The following RGS7 variants were observed in gnomAD, a reference collection of about 807,000 sequenced individuals.
The protein encoded by RGS7 is regulator of G protein signaling 7.
Under a neutral mutation model 81.1 loss-of-function variants are expected in RGS7, and 27 were observed. The ratio of observed to expected loss-of-function variants is 0.33; its 90% CI spans 0.25 to 0.46. The LOEUF (loss-of-function observed/expected upper bound fraction) is 0.46. Among genes scored for constraint, RGS7 ranks in the 20% least tolerant of loss-of-function variants. RGS7 has a pLI of 1.00. For missense variants in RGS7, 396 were observed against 607.4 expected, an observed-to-expected ratio of 0.65 and a Z score of 3.66; for synonymous variants, 208 against 207.7, an observed-to-expected ratio of 1.00 and a Z score of -0.01.
At chr1:240,890,372 C>T (rs540033957) in intron 6 of RGS7, among the ~76,000 whole-genome samples, 1 of 152,098 alleles carries the variant, frequency 6.6e-6, no homozygotes, top group African/African-American at 2.4e-5. Context: ...CAAATGGTCT[C>T]GATCTCTTGA....
chr1:240,966,166 A>AT (rs1260071301), intron 4 of RGS7, among the ~76,000 whole-genome samples: 1 of 152,034 alleles, frequency 6.6e-6, no homozygotes, highest in Non-Finnish European at 1.5e-5. Flanking sequence ...CCTAAACTAT[A>AT]TAAAAAAAAA....
chr1:240,946,684 A>C (rs1333499149), intron 4 of RGS7, among the ~76,000 whole-genome samples: 1 of 152,350 alleles, frequency 6.6e-6, no homozygotes, highest in Non-Finnish European at 1.5e-5. Context: ...TAAAGTACAT[A>C]GTGAGACAGC....
rs370175993 is a variant in RGS7, at chr1:241,190,034, C to T, written c.79-91272G>A. Among the ~76,000 whole-genome samples the T allele has an allele frequency of 3.6e-4, 54 of 151,964 alleles. 1 individual carries two copies. In the East Asian group the frequency reaches 6.0e-3, roughly 17 times the overall value. ...AGGAGAATGGCGTGAACCTGGGAGG[C>T]GGAGCTTGCAGTGAGCCGAGATGGC... On this transcript the variant is annotated intron_variant, in intron 2 of 18. Coordinates refer to ENST00000440928, the MANE Select transcript of RGS7 (RefSeq NM_001364886.1).
At chr1:240,889,474 C>T (rs934051970) in intron 6 of RGS7, among the ~76,000 whole-genome samples, 3 of 152,060 alleles carry the variant, frequency 2.0e-5, no homozygotes, top group African/African-American at 7.2e-5. Context: ...CGGGAGCCTA[C>T]GGAGCCCTGG....
intron 9 of RGS7, among the ~76,000 whole-genome samples, chr1:240,866,565 G>A (rs1443423387): frequency 1.3e-5 from 2 of 152,088 alleles, no homozygotes; most frequent in Admixed American, 6.5e-5. Context: ...CTTCTGGGTG[G>A]TTTCTGCCTC....
chr1:240,905,215 A>G (rs1481392797), intron 6 of RGS7, among the ~76,000 whole-genome samples: 2 of 152,184 alleles, frequency 1.3e-5, no homozygotes, highest in East Asian at 3.9e-4. Flanking sequence ...TCAGAAAAAA[A>G]AATCTTATGT....
chr1:241,280,876 T>C (rs1398169881), intron 2 of RGS7, among the ~76,000 whole-genome samples: 1 of 152,218 alleles, frequency 6.6e-6, no homozygotes, highest in Admixed American at 6.5e-5. Flanking sequence ...AAAATGATAG[T>C]TGCAAGTTTA....
At chr1:241,200,954 A>G (rs1272356042) in intron 2 of RGS7, among the ~76,000 whole-genome samples, 1 of 152,186 alleles carries the variant, frequency 6.6e-6, no homozygotes, top group Non-Finnish European at 1.5e-5. Context: ...CAAGATTTTC[A>G]ACTACCTGCT....
intron 2 of RGS7, among the ~76,000 whole-genome samples, chr1:241,175,356 T>G (rs1027371810): frequency 5.3e-5 from 8 of 152,160 alleles, no homozygotes; most frequent in Admixed American, 5.2e-4. Flanking sequence ...GCTGCTACAG[T>G]GTAGGTACTT....
At chr1:240,927,202 G>T (rs1478254019) in intron 6 of RGS7, among the ~76,000 whole-genome samples, 2 of 152,104 alleles carry the variant, frequency 1.3e-5, no homozygotes, top group Non-Finnish European at 2.9e-5. Flanking sequence ...AAGTAGCTGG[G>T]ACTACAGACG....
chr1:241,061,420 C>A (rs2061732111), intron 3 of RGS7, among the ~76,000 whole-genome samples: 1 of 152,080 alleles, frequency 6.6e-6, no homozygotes, highest in African/African-American at 2.4e-5. Flanking sequence ...TATAAAAAAC[C>A]AAAGCAATCA....
At chr1:241,081,239 C>A (rs1042382244) in intron 3 of RGS7, among the ~76,000 whole-genome samples, 1 of 152,180 alleles carries the variant, frequency 6.6e-6, no homozygotes, top group Non-Finnish European at 1.5e-5. Flanking sequence ...TCTCAATGTT[C>A]TCATCTTTTT....
intron 3 of RGS7, among the ~76,000 whole-genome samples, chr1:241,002,148 A>G (rs186141060): frequency 2.6e-5 from 4 of 152,186 alleles, no homozygotes; most frequent in African/African-American, 7.2e-5. Flanking sequence ...TCTGAAAAGC[A>G]TAGTCTTAAA....
intron 3 of RGS7, among the ~76,000 whole-genome samples, chr1:241,018,351 C>T (rs2059374001): frequency 1.3e-5 from 2 of 151,822 alleles, no homozygotes; most frequent in African/African-American, 4.8e-5. Context: ...TTGTTGAAAG[C>T]CAGGTATATC....
At chr1:240,897,847 A>G (rs951869433) in intron 6 of RGS7, among the ~76,000 whole-genome samples, 4 of 152,186 alleles carry the variant, frequency 2.6e-5, no homozygotes, top group Admixed American at 1.3e-4. Flanking sequence ...GAATAGTTTC[A>G]CAAGGAATGG....
chr1:240,921,299 G>A (rs1673494981), intron 6 of RGS7, among the ~76,000 whole-genome samples: 1 of 151,106 alleles, frequency 6.6e-6, no homozygotes, highest in African/African-American at 2.4e-5. Flanking sequence ...CTATTATCAT[G>A]TGTAATCAAT....
At chr1:241,052,271 A>C (rs1208769870) in intron 3 of RGS7, among the ~76,000 whole-genome samples, 2 of 152,174 alleles carry the variant, frequency 1.3e-5, no homozygotes, top group Non-Finnish European at 2.9e-5. Flanking sequence ...GGCATTACAG[A>C]AGCCCAGCAG....
intron 3 of RGS7, among the ~76,000 whole-genome samples, chr1:241,037,254 A>C (rs902632855): frequency 1.3e-5 from 2 of 152,188 alleles, no homozygotes; most frequent in African/African-American, 4.8e-5. Context: ...ACATTTGTTA[A>C]GTCTATCATC....
chr1:240,881,039 A>G (rs746575772), intron 6 of RGS7, among the ~76,000 whole-genome samples: 12 of 152,208 alleles, frequency 7.9e-5, no homozygotes, highest in Non-Finnish European at 1.3e-4. Context: ...TGCTGAATAC[A>G]CATATATTTA....
Sources: gnomAD v4.1 joint callset for allele counts (sites outside exome capture counted in the v4.1 genomes callset) on GRCh38, gnomAD v4.1.1 for gene constraint, MANE v1.5 for transcripts, NCBI Gene and HGNC (gene_info 2026-07-23, HGNC 2026-07-21) for gene names.